The following PWWP3A variants were observed in gnomAD, a reference collection of about 807,000 sequenced individuals.
PWWP3A encodes PWWP domain-containing DNA repair factor 3A.
In PWWP3A, 53 loss-of-function variants were observed where a neutral mutation model predicts 79.0. That is an observed-to-expected ratio of 0.67 (90% CI 0.54 to 0.84). The LOEUF (loss-of-function observed/expected upper bound fraction) is 0.84, where lower values mean the gene tolerates loss of function less well. PWWP3A is among the 40% of genes least tolerant of loss of function. The probability of loss-of-function intolerance (pLI) is 0.00; values close to 1 mark genes in which losing one functional copy is unlikely to be tolerated. For missense variants in PWWP3A, 973 were observed against 948.0 expected (o/e 1.03, Z -0.35); for synonymous variants, 443 against 394.4 (o/e 1.12, Z -1.46).
intron 2 of PWWP3A, among the ~76,000 whole-genome samples, chr19:1,356,666 AAAAG>A (rs960427255): frequency 1.3e-5 from 2 of 151,978 alleles, no homozygotes; most frequent in African/African-American, 2.4e-5. Flanking sequence ...TAAAAAAAAA[AAAAG>A]AATCAGCTGT....
chr19:1,362,744 G>T (rs2082047067), intron 6 of PWWP3A, among the ~76,000 whole-genome samples: 1 of 152,216 alleles, frequency 6.6e-6, no homozygotes, highest in African/African-American at 2.4e-5. Flanking sequence ...ATGGCGTTTG[G>T]GGGGCTGTCC....
At chr19:1,359,979 T>G in intron 4 of PWWP3A, 157 bp from the exon 5 acceptor site, 1 of 710,112 alleles carries the variant, frequency 1.4e-6, no homozygotes, top group South Asian at 3.4e-5. Flanking sequence ...GTCTCCTTTT[T>G]GGGAAAATGT....
In PWWP3A at chr19:1,360,911, G is replaced by A. The variant is rs1259007264; in HGVS notation, c.990G>A (p.Gly330=). ...GGGCCGCACCATCCCCCGGGCCGGG[G>A]CCAGGGCCCAGAGAGTCTGTGACCC... The part of the protein sequence containing the change: ...AAGAAPSPGP[G]PGPRESVTPR... The change falls in exon 5 of 14, where the codon GGG becomes GGA. Residue 330 remains glycine, a synonymous_variant. Transcript: ENST00000591337. The surrounding 1 kb of genome is among the most constrained non-coding windows in gnomAD (Gnocchi z 4.4). 1.9e-6 allele frequency: 3 copies of A among 1,539,840 alleles called. No homozygotes were observed. Among genetic ancestry groups the A allele is most frequent in the Non-Finnish European group, 2.6e-6 (3 of 1,142,170 alleles).
chr19:1,360,409 C>T lies in PWWP3A; in HGVS notation c.488C>T (p.Ser163Leu), dbSNP rs117812723. The T allele has an allele frequency of 4.3e-3, 6,863 of 1,614,128 alleles. 24 individuals are homozygous for T. The highest frequency in any genetic ancestry group is 5.2e-3 in the Non-Finnish European group (6,120 of 1,180,038). ...RPCVQQSLSS[S>L]FTCEKDPECK... ...TGTGTGCAACAAAGCCTGTCAAGTT[C>T]GTTCACTTGTGAAAAGGACCCCGAG... is the stretch of plus-strand genomic sequence containing the variant. Residue 163 changes from serine (S) to leucine (L), a missense_variant, in exon 5 of 14, where the codon TCG becomes TTG. Physicochemically the swap from Ser to Leu is moderately radical, Grantham distance 145. Coordinates refer to ENST00000591337, the MANE Select transcript of PWWP3A (RefSeq NM_001369789.1). The surrounding 1 kb of genome is among the most constrained non-coding windows in gnomAD (Gnocchi z 4.4).
rs2144676918 is a variant in PWWP3A at position 1,355,103 on chromosome 19, TG to T, written c.-98del. On this transcript the variant is annotated 5_prime_UTR_variant, in exon 1 of 14. Coordinates refer to ENST00000591337, the MANE Select transcript of PWWP3A (RefSeq NM_001369789.1). Reference sequence around the variant, plus strand: ...CCGCTGCGGCCTCCTTGCCCGGGCTTGGGGCGCCGCGCTGGGGAAAGCCGGG... The same window carrying T: ...CCGCTGCGGCCTCCTTGCCCGGGCTTGGGCGCCGCGCTGGGGAAAGCCGGG... The T allele has an allele frequency of 6.6e-6, 1 of 150,452 alleles. No homozygotes were observed. The allele number at this position is 150,452 out of a possible 1,614,324, so 9.3% of individuals were successfully genotyped here.
At position 1,362,166 on chromosome 19, in the gene PWWP3A, G is replaced by A. The variant is rs1338811924; in HGVS notation, c.1112-84G>A. On this transcript the variant is annotated intron_variant, in intron 5 of 13. Coordinates refer to ENST00000591337, the MANE Select transcript of PWWP3A (RefSeq NM_001369789.1). ...GGAACCTTTTCTTTATGCATCGATG[G>A]TCATGTGTCATGAAATGTTTTCTTG... 2.6e-6 allele frequency: 3 copies of A among 1,147,162 alleles called. No homozygotes were observed. In the East Asian group the frequency reaches 7.4e-5, roughly 28 times the overall value. The allele number at this position is 1,147,162 out of a possible 1,614,324, so 71.1% of individuals were successfully genotyped here.
intron 4 of PWWP3A, chr19:1,359,106 C>T (rs1011312452): frequency 1.4e-5 from 3 of 214,424 alleles, no homozygotes; most frequent in Admixed American, 4.9e-5. Context: ...TGAGTCCAGC[C>T]GGGGACTGGT....
In PWWP3A at chr19:1,376,697, C is replaced by T. The variant is rs781419032; in HGVS notation, c.*121C>T. 54 of 824,416 alleles carry T rather than the reference C, an allele frequency of 6.6e-5. No individual in the cohort carries two copies. Among genetic ancestry groups the T allele is most frequent in the Non-Finnish European group, 9.6e-5 (49 of 509,944 alleles). The allele number at this position is 824,416 out of a possible 1,614,324, so 51.1% of individuals were successfully genotyped here. On this transcript the variant is annotated 3_prime_UTR_variant, in exon 14 of 14. Coordinates refer to ENST00000591337, the MANE Select transcript of PWWP3A (RefSeq NM_001369789.1). The stretch of plus-strand genomic sequence containing the variant: ...TTGCGTTTGGACCTGTCTGTGCGTT[C>T]TCCTGCGTGGCAGTCCTGATTTCCA...
chr19:1,374,859 A>G (rs1025642540), intron 13 of PWWP3A, among the ~76,000 whole-genome samples: 2 of 152,204 alleles, frequency 1.3e-5, no homozygotes, highest in East Asian at 1.9e-4. Context: ...GTGAGCCATC[A>G]TTATGCCACT....
chr19:1,361,874 C>T (rs1016546729), intron 5 of PWWP3A: 26 of 212,674 alleles, frequency 1.2e-4, no homozygotes, highest in South Asian at 7.0e-5. Flanking sequence ...TAGTCAGCTC[C>T]TGTCCTGGCC....
chr19:1,367,398 G>A (rs1165174764), intron 9 of PWWP3A, among the ~76,000 whole-genome samples, 178 bp downstream of exon 9: 1 of 152,242 alleles, frequency 6.6e-6, no homozygotes, highest in African/African-American at 2.4e-5. Context: ...CTCAGTCACT[G>A]CGCTGAATTC....
At chr19:1,358,234 C>A in intron 3 of PWWP3A, 160 bp from the exon 4 acceptor site, 1 of 601,926 alleles carries the variant, frequency 1.7e-6, no homozygotes, top group South Asian at 2.4e-5. Flanking sequence ...CTGCCTGTAA[C>A]CTCAGGCAGA....
At position 1,369,237 on chromosome 19, in the gene PWWP3A, G is replaced by A; in HGVS notation, c.1423-28G>A. The A allele has an allele frequency of 6.2e-7, 1 of 1,612,690 alleles. No individual in the cohort carries two copies. Among genetic ancestry groups the A allele is most frequent in the Non-Finnish European group, 8.5e-7 (1 of 1,179,102 alleles). On this transcript the variant is annotated intron_variant, in intron 9 of 13. Transcript: ENST00000591337. The surrounding 1 kb of genome is among the most constrained non-coding windows in gnomAD (Gnocchi z 4.0). ...AGGGTGCTTGGCACTGCCTCCCACT[G>A]ACGCCTGCTGCCCGGATCTCATTGT...
chr19:1,362,258 T>C lies in PWWP3A; in HGVS notation c.1120T>C (p.Ser374Pro). Reference protein sequence around the residue: ...DSQKLEKECQSSEESMGSNSM... With the variant: ...DSQKLEKECQPSEESMGSNSM... ...TATCACATTATTGGCAGAGTGCCAG[T>C]CTTCCGAAGAGTCCATGGGGTCTAA... Residue 374 changes from serine (S) to proline (P), a missense_variant, in exon 6 of 14, where the codon TCT becomes CCT. Physicochemically the swap from Ser to Pro is moderately conservative, Grantham distance 74 (BLOSUM62 -1). Transcript: ENST00000591337. 2 of 1,610,516 alleles carry C rather than the reference T, an allele frequency of 1.2e-6. No individual in the cohort carries two copies. The highest frequency in any genetic ancestry group is 2.2e-5 in the East Asian group (1 of 44,858).
chr19:1,363,281 C>A (rs775853296), intron 6 of PWWP3A, among the ~76,000 whole-genome samples: 1 of 152,230 alleles, frequency 6.6e-6, no homozygotes, highest in East Asian at 1.9e-4. Flanking sequence ...TCACATTTTC[C>A]CTTTTTTTTG....
At chr19:1,355,367 T>A (rs2081826642) in intron 1 of PWWP3A, among the ~76,000 whole-genome samples, 1 of 151,530 alleles carries the variant, frequency 6.6e-6, no homozygotes, top group African/African-American at 2.4e-5. Flanking sequence ...CATCTCTTGC[T>A]TGGACCCGCT....
At chr19:1,371,480 T>C in intron 12 of PWWP3A, 1 of 684,768 alleles carries the variant, frequency 1.5e-6, no homozygotes, top group South Asian at 1.5e-5. Context: ...GTTGAAAAAC[T>C]GTAAGTGGAT....
intron 7 of PWWP3A, among the ~76,000 whole-genome samples, chr19:1,364,909 G>C (rs1184436432): frequency 6.6e-6 from 1 of 152,092 alleles, no homozygotes. Flanking sequence ...ACCTGAGGTC[G>C]GGAGTTCGAG....
In PWWP3A at chr19:1,358,464, G is replaced by A; in HGVS notation, c.214G>A (p.Ala72Thr). Residue 72 changes from alanine to threonine, a missense_variant and splice_region_variant, in exon 4 of 14, where the codon GCC (alanine) becomes ACC (threonine). By Grantham distance (58) the Ala-to-Thr change is moderately conservative. Coordinates refer to ENST00000591337, the MANE Select transcript of PWWP3A (RefSeq NM_001369789.1). The part of the protein sequence containing the change: ...SQIEAIASSL[A>T]SQNEVPAAPL... ...AATTGAAGCCATTGCTTCCTCGTTA[G>A]GTAAGAGCGTATTTTTAAGTGGCCA... The A allele has an allele frequency of 6.2e-7, 1 of 1,613,932 alleles. No homozygotes were observed. Among genetic ancestry groups the A allele is most frequent in the Non-Finnish European group, 8.5e-7 (1 of 1,179,884 alleles).
Sources: allele counts gnomAD v4.1 joint callset (sites outside exome capture counted in the v4.1 genomes callset), GRCh38; gene constraint gnomAD v4.1.1; non-coding constraint Gnocchi (gnomAD v3.1); transcripts MANE v1.5; gene names NCBI Gene and HGNC (gene_info 2026-07-23, HGNC 2026-07-21).